ZNF710: variants seen among roughly 807,000 people sequenced by gnomAD.
ZNF710 encodes zinc finger protein 710.
In ZNF710, 13 loss-of-function variants were observed where a neutral mutation model predicts 50.6. The ratio of observed to expected loss-of-function variants is 0.26; its 90% CI spans 0.17 to 0.41. The LOEUF (loss-of-function observed/expected upper bound fraction) is 0.41, where lower values mean the gene tolerates loss of function less well. Among genes scored for constraint, ZNF710 ranks in the 10% least tolerant of loss-of-function variants. The probability of loss-of-function intolerance (pLI) is 1.00; values close to 1 mark genes in which losing one functional copy is unlikely to be tolerated. For synonymous variants in ZNF710, 383 were observed against 397.0 expected (o/e 0.96, Z 0.42); for missense variants, 721 against 936.6 (o/e 0.77, Z 3.01).
intron 1 of ZNF710, among the ~76,000 whole-genome samples, chr15:90,041,892 ATTTTTTTTTTTTTT>A (rs71151548): frequency 8.1e-5 from 9 of 110,566 alleles, no homozygotes; most frequent in Admixed American, 3.8e-4. Context: ...TTTGTTTTTG[ATTTTTTTTTTTTTT>A]TTTTTTTTTG....
intron 2 of ZNF710, among the ~76,000 whole-genome samples, chr15:90,069,401 C>T (rs1443036379): frequency 6.6e-6 from 1 of 151,370 alleles, no homozygotes; most frequent in Non-Finnish European, 1.5e-5. Context: ...AGACTGAGAC[C>T]CTGTCTCCAA....
In ZNF710 at chr15:90,068,828, C is replaced by G. The variant is rs1309581758; in HGVS notation, c.1458+233C>G. Among the ~76,000 whole-genome samples the G allele has an allele frequency of 6.6e-6, 1 of 152,222 alleles. No individual in the cohort carries two copies. Among genetic ancestry groups the G allele is most frequent in the Admixed American group, 6.6e-5 (1 of 15,266 alleles). ...ATGTATTTGGCCAGGCACAATGGCT[C>G]ATGCCTGTAATCCCAGCGCTTTGGG... is the stretch of plus-strand genomic sequence containing the variant. On this transcript the variant is annotated intron_variant, in intron 2 of 4. Transcript: ENST00000268154. The surrounding 1 kb of genome is among the most constrained non-coding windows in gnomAD (Gnocchi z 5.0).
intron 2 of ZNF710, among the ~76,000 whole-genome samples, chr15:90,072,631 CCA>C (rs1900428017): frequency 6.6e-6 from 1 of 152,070 alleles, no homozygotes; most frequent in Non-Finnish European, 1.5e-5. Flanking sequence ...ATGAAATAGT[CCA>C]CAGACAGCGG....
chr15:90,008,451 T>TATATATATATATATAC (rs1387078607), intron 1 of ZNF710, among the ~76,000 whole-genome samples: 1 of 140,566 alleles, frequency 7.1e-6, no homozygotes, highest in Admixed American at 6.9e-5. Context: ...CATATATATA[T>TATATATATATATATAC]ATGTATATAT....
chr15:90,044,866 C>T (rs1899411297), intron 1 of ZNF710, among the ~76,000 whole-genome samples: 2 of 152,088 alleles, frequency 1.3e-5, no homozygotes, highest in Admixed American at 6.5e-5. Flanking sequence ...CAGGGGCCAC[C>T]AGTCACTGTG....
intron 1 of ZNF710, chr15:90,025,045 T>A (rs1412966392): frequency 6.6e-6 from 1 of 152,126 alleles, no homozygotes; most frequent in Non-Finnish European, 1.5e-5. Flanking sequence ...TCACTGGCTG[T>A]TTTTCATATA....
intron 2 of ZNF710, 121 bp from the exon 3 acceptor site, chr15:90,072,950 A>G: frequency 9.5e-7 from 1 of 1,048,722 alleles, no homozygotes; most frequent in South Asian, 1.7e-5. Context: ...AAAAAGAGAC[A>G]TTTCCCAGAA....
intron 1 of ZNF710, among the ~76,000 whole-genome samples, chr15:90,051,213 T>A (rs1899634553): frequency 7.0e-6 from 1 of 141,910 alleles, no homozygotes; most frequent in South Asian, 2.2e-4. Context: ...CACTCCAGCC[T>A]GGGCGACACA....
At chr15:90,074,668 AC>A (rs1900531713) in intron 4 of ZNF710, 1 of 425,354 alleles carries the variant, frequency 2.4e-6, no homozygotes, top group Non-Finnish European at 4.1e-6. Context: ...ATGCAAGATG[AC>A]AACACAGCAG....
At chr15:90,022,590 A>C (rs10775248) in intron 1 of ZNF710, among the ~76,000 whole-genome samples, 81,413 of 152,030 alleles carry the variant, frequency 0.54, 22,578 homozygotes, top group Non-Finnish European at 0.58. Flanking sequence ...AAGAAACACT[A>C]TGGCGGATCA....
chr15:90,059,325 C>A lies in ZNF710; in HGVS notation c.-28-7785C>A, dbSNP rs1208665308. Among the ~76,000 whole-genome samples the A allele has an allele frequency of 6.6e-6, 1 of 152,206 alleles. No individual in the cohort carries two copies. The highest frequency in any genetic ancestry group is 1.5e-5 in the Non-Finnish European group (1 of 68,028). Reference sequence around the variant, plus strand: ...GCAGCAAATGAAGGCATGGGCAGTGCATCCCGCCTACCAAAAGGCTGTGGG... The same window carrying A: ...GCAGCAAATGAAGGCATGGGCAGTGAATCCCGCCTACCAAAAGGCTGTGGG... On this transcript the variant is annotated intron_variant, in intron 1 of 4. Transcript: ENST00000268154. The surrounding 1 kb of genome is among the most constrained non-coding windows in gnomAD (Gnocchi z 4.1).
At chr15:90,018,107 A>G (rs188702353) in intron 1 of ZNF710, among the ~76,000 whole-genome samples, 9 of 151,698 alleles carry the variant, frequency 5.9e-5, no homozygotes, top group African/African-American at 9.7e-5. Context: ...TTTTGCTTCA[A>G]TTACAGAGCT....
intron 1 of ZNF710, among the ~76,000 whole-genome samples, chr15:90,027,418 C>G (rs1459130105): frequency 6.6e-6 from 1 of 152,122 alleles, no homozygotes; most frequent in African/African-American, 2.4e-5. Context: ...CCATGTTGGT[C>G]AGGCTTGTCT....
At chr15:90,077,728 C>T (rs569950012) in intron 4 of ZNF710, among the ~76,000 whole-genome samples, 1 of 152,160 alleles carries the variant, frequency 6.6e-6, no homozygotes, top group Non-Finnish European at 1.5e-5. Context: ...CCCATTCAGA[C>T]TGGCCTAAAC....
At chr15:90,065,703 T>G (rs1361642439) in intron 1 of ZNF710, among the ~76,000 whole-genome samples, 1 of 152,176 alleles carries the variant, frequency 6.6e-6, no homozygotes, top group Non-Finnish European at 1.5e-5. Flanking sequence ...GCCGCTGTGC[T>G]GGGGGTTTGT....
At chr15:90,055,650 A>G (rs990404799) in intron 1 of ZNF710, among the ~76,000 whole-genome samples, 1 of 152,236 alleles carries the variant, frequency 6.6e-6, no homozygotes, top group African/African-American at 2.4e-5. Flanking sequence ...AGAACTCTTG[A>G]GAGCTCAAAA....
chr15:90,036,180 A>G (rs1899117784), intron 1 of ZNF710, among the ~76,000 whole-genome samples: 2 of 151,904 alleles, frequency 1.3e-5, no homozygotes, highest in African/African-American at 4.8e-5. Context: ...GAACTCAGAA[A>G]GCTTTGAGAC....
At chr15:90,000,241 C>T (rs983342856), upstream of ZNF710, among the ~76,000 whole-genome samples, 1 of 152,226 alleles carries the variant, frequency 6.6e-6, no homozygotes, top group Non-Finnish European at 1.5e-5. Context: ...AATAATTGAC[C>T]CTTCCTGGCG....
At chr15:90,009,641 A>G (rs551824569) in intron 1 of ZNF710, among the ~76,000 whole-genome samples, 1 of 151,428 alleles carries the variant, frequency 6.6e-6, no homozygotes, top group African/African-American at 2.4e-5. Flanking sequence ...AGGTCTGGGC[A>G]CCCCACATCC....
Sources: allele counts gnomAD v4.1 joint callset (sites outside exome capture counted in the v4.1 genomes callset), GRCh38; gene constraint gnomAD v4.1.1; non-coding constraint Gnocchi (gnomAD v3.1); transcripts MANE v1.5; gene names NCBI Gene and HGNC (gene_info 2026-07-23, HGNC 2026-07-21).